The following ZDHHC8 variants were observed in gnomAD, a reference collection of about 807,000 sequenced individuals.
ZDHHC8 encodes the protein palmitoyltransferase ZDHHC8.
A neutral mutation model predicts 61.2 loss-of-function variants in ZDHHC8; 24 were observed. That is an observed-to-expected ratio of 0.39 (90% confidence interval 0.28 to 0.55). The LOEUF is 0.55. Ranked by LOEUF, ZDHHC8 falls within the 20% of genes least tolerant of loss-of-function variation. The pLI, the probability that ZDHHC8 is intolerant of heterozygous loss-of-function variation, is 0.60. For missense variants in ZDHHC8, 935 were observed against 1,102.1 expected, an observed-to-expected ratio of 0.85 and a Z score of 2.15; for synonymous variants, 523 against 492.5, an observed-to-expected ratio of 1.06 and a Z score of -0.82.
rs1251613164 is a variant in ZDHHC8 at position 20,143,646 on chromosome 22, C to A, written c.2016C>A (p.Gly672=). ...CACACAGGTCACCTGCACGCCAGGG[C>A]CTGCCCTCCCCGCCCGGCACTCCCC... The part of the protein sequence containing the change: ...SGSHRSPARQ[G]LPSPPGTPHS... Residue 672 remains glycine, a synonymous_variant, in exon 10 of 11, where the codon GGC becomes GGA. Coordinates refer to ENST00000334554, the MANE Select transcript of ZDHHC8 (RefSeq NM_013373.4). 2.5e-6 allele frequency: 4 copies of A among 1,606,992 alleles called. No individual in the cohort carries two copies. The highest frequency in any genetic ancestry group is 3.4e-6 in the Non-Finnish European group (4 of 1,179,102).
chr22:20,141,145 C>A, intron 7 of ZDHHC8, 72 bp from the exon 8 acceptor site: 7 of 1,585,076 alleles, frequency 4.4e-6, no homozygotes, highest in Non-Finnish European at 4.3e-6. Context: ...GGGCTAGGTC[C>A]CAGGCTGAAT....
chr22:20,139,055 C>T, intron 1 of ZDHHC8, 139 bp from the exon 2 acceptor site: 1 of 1,286,544 alleles, frequency 7.8e-7, no homozygotes, highest in Non-Finnish European at 1.1e-6. Context: ...GGTTTCTTGG[C>T]AGGGCTGTGG....
chr22:20,141,672 C>A, intron 9 of ZDHHC8, 142 bp downstream of exon 9: 1 of 727,316 alleles, frequency 1.4e-6, no homozygotes, highest in Non-Finnish European at 2.3e-6. Context: ...TGAGGCCATG[C>A]CCCTCAGGGC....
Position 20,143,475 on chromosome 22 carries a change from C to G in ZDHHC8, c.1845C>G (p.Gly615=). Residue 615 remains glycine, a synonymous_variant, in exon 10 of 11, where the codon GGC becomes GGG. Coordinates refer to ENST00000334554, the MANE Select transcript of ZDHHC8 (RefSeq NM_013373.4). ...GAGACGACCTTGTGGCTGGGCCCGGCTTCGGTGGCGCCCGCAACCCTGCCC... is the reference window on the plus strand; with the variant it reads ...GAGACGACCTTGTGGCTGGGCCCGGGTTCGGTGGCGCCCGCAACCCTGCCC... The part of the protein sequence containing the change: ...GSRDDLVAGP[G]FGGARNPALQ... The G allele has an allele frequency of 6.2e-7, 1 of 1,600,282 alleles. No individual in the cohort carries two copies. The highest frequency in any genetic ancestry group is 8.5e-7 in the Non-Finnish European group (1 of 1,179,336).
chr22:20,136,708 G>T, intron 1 of ZDHHC8, among the ~76,000 whole-genome samples: 1 of 152,280 alleles, frequency 6.6e-6, no homozygotes. Flanking sequence ...CTGCATGCAA[G>T]TGTTCATGCA....
rs1260260919 is a variant in ZDHHC8 at position 20,141,384 on chromosome 22, C to T, written c.1016-37C>T. On this transcript the variant is annotated intron_variant, in intron 8 of 10. Coordinates refer to ENST00000334554, the MANE Select transcript of ZDHHC8 (RefSeq NM_013373.4). Reference sequence around the variant, plus strand: ...CTAGGGAGGGATATGGGTTGACCCTCCTCTGACCTCAGTCTGACAGTGGTC... The same window carrying T: ...CTAGGGAGGGATATGGGTTGACCCTTCTCTGACCTCAGTCTGACAGTGGTC... 12 of 1,611,888 alleles carry T rather than the reference C, an allele frequency of 7.4e-6. No individual in the cohort carries two copies. The Admixed American group carries it at 1.0e-4, about 13-fold the overall frequency.
At chr22:20,137,412 C>T (rs577635263) in intron 1 of ZDHHC8, among the ~76,000 whole-genome samples, 3 of 152,334 alleles carry the variant, frequency 2.0e-5, no homozygotes, top group Admixed American at 1.3e-4. Flanking sequence ...AGAGGGGCCC[C>T]GAGGCTTCCA....
Position 20,143,473 on chromosome 22 carries a change from G to A in ZDHHC8, c.1843G>A (p.Gly615Ser), listed in dbSNP as rs780009061. 1.2e-5 allele frequency: 19 copies of A among 1,599,970 alleles called. No individual in the cohort carries two copies. The highest frequency in any genetic ancestry group is 4.0e-5 in the African/African-American group (3 of 74,906). ...CAGAGACGACCTTGTGGCTGGGCCC[G>A]GCTTCGGTGGCGCCCGCAACCCTGC... is the stretch of plus-strand genomic sequence containing the variant. ...GSRDDLVAGPGFGGARNPALQ... is the reference protein window; with the variant it reads ...GSRDDLVAGPSFGGARNPALQ... The change falls in exon 10 of 11, where the codon GGC becomes AGC. Residue 615 changes from glycine to serine, a missense_variant. By Grantham distance (56) the Gly-to-Ser change is moderately conservative (BLOSUM62 0). Coordinates refer to ENST00000334554, the MANE Select transcript of ZDHHC8 (RefSeq NM_013373.4).
chr22:20,131,917 C>CG lies in ZDHHC8; in HGVS notation c.-27dup. ...CCGGCCGGCCCTGCCCGCCCGGCCCCGGGGAGGGATGCGGCGGCGCGGCGC... is the reference window on the plus strand; with the variant it reads ...CCGGCCGGCCCTGCCCGCCCGGCCCCGGGGGAGGGATGCGGCGGCGCGGCGC... On this transcript the variant is annotated 5_prime_UTR_variant, in exon 1 of 11. Coordinates refer to ENST00000334554, the MANE Select transcript of ZDHHC8 (RefSeq NM_013373.4). 1 of 1,066,926 alleles carries CG rather than the reference C, an allele frequency of 9.4e-7. No individual in the cohort carries two copies. The highest frequency in any genetic ancestry group is 7.6e-5 in the East Asian group (1 of 13,122). The allele number at this position is 1,066,926 out of a possible 1,614,324, so 66.1% of individuals were successfully genotyped here.
chr22:20,147,574 G>GC lies in ZDHHC8; in HGVS notation c.*2174_*2175insC, dbSNP rs2050540839. On this transcript the variant is annotated 3_prime_UTR_variant, in exon 11 of 11. Transcript: ENST00000334554. ...CAGGCCTCCGTGGGTTGGGCTGGGT[G>GC]GGGGGGGGGTCTCAGGTTGCCCCTG... 1.6e-4 allele frequency: 21 copies of GC among 134,708 alleles called. No homozygotes were observed. The highest frequency in any genetic ancestry group is 2.9e-4 in the South Asian group (1 of 3,422). The allele number at this position is 134,708 out of a possible 1,614,324, so 8.3% of individuals were successfully genotyped here. A position where few individuals can be genotyped will look rare whatever the true frequency, so the allele number is the denominator to read the frequency against.
At chr22:20,141,812 G>A (rs1431259911) in intron 9 of ZDHHC8, among the ~76,000 whole-genome samples, 1 of 152,204 alleles carries the variant, frequency 6.6e-6, no homozygotes. Flanking sequence ...CTTGGCGTCT[G>A]TCCCTTGGCC....
Position 20,139,551 on chromosome 22 carries a change from G to A in ZDHHC8, c.300G>A (p.Gln100=), listed in dbSNP as rs1314201739. The A allele has an allele frequency of 6.2e-7, 1 of 1,613,430 alleles. No individual in the cohort carries two copies. The change falls in exon 3 of 11, where the codon CAG becomes CAA. Residue 100 remains glutamine, a synonymous_variant. Transcript: ENST00000334554. The part of the protein sequence containing the change: ...LYKNVDVRGI[Q]VRMKWCATCH... ...AGAACGTGGATGTGCGAGGTATCCAGGTCCGCATGAAGTGGTGTGCCACGT... is the reference window on the plus strand; with the variant it reads ...AGAACGTGGATGTGCGAGGTATCCAAGTCCGCATGAAGTGGTGTGCCACGT...
At chr22:20,136,261 G>A (rs2050419318) in intron 1 of ZDHHC8, among the ~76,000 whole-genome samples, 1 of 152,244 alleles carries the variant, frequency 6.6e-6, no homozygotes, top group South Asian at 2.1e-4. Context: ...GCACCATCAG[G>A]TCTGGGTGGG....
rs1232462087 is a variant in ZDHHC8 at position 20,131,885 on chromosome 22, C to A, written c.-63C>A. ...GTCCAGCCCGCCCGCCCGACCCCGG[C>A]CCGACCCCGGCCGGCCCTGCCCGCC... On this transcript the variant is annotated 5_prime_UTR_variant, in exon 1 of 11. Coordinates refer to ENST00000334554, the MANE Select transcript of ZDHHC8 (RefSeq NM_013373.4). The A allele has an allele frequency of 1.3e-5, 8 of 638,606 alleles. No homozygotes were observed. Among genetic ancestry groups the A allele is most frequent in the Middle Eastern group, 7.5e-4 (1 of 1,338 alleles). The allele number at this position is 638,606 out of a possible 1,614,324, so 39.6% of individuals were successfully genotyped here. A position where few individuals can be genotyped will look rare whatever the true frequency, so the allele number is the denominator to read the frequency against.
chr22:20,143,715 C>T lies in ZDHHC8; in HGVS notation c.2085C>T (p.His695=). ...YAGPKAVAFI[H]TDLPEPPPSL... is the part of the protein sequence containing the mutation. ...GCCCCAAAGCTGTCGCCTTCATCCA[C>T]ACGGACCTCCCAGAGCCACCGCCCT... The change falls in exon 10 of 11, where the codon CAC becomes CAT. Residue 695 remains histidine, a synonymous_variant. Coordinates refer to ENST00000334554, the MANE Select transcript of ZDHHC8 (RefSeq NM_013373.4). 1 of 1,610,348 alleles carries T rather than the reference C, an allele frequency of 6.2e-7. No individual in the cohort carries two copies. Among genetic ancestry groups the T allele is most frequent in the South Asian group, 1.1e-5 (1 of 90,902 alleles).
chr22:20,146,011 G>A lies in ZDHHC8; in HGVS notation c.*611G>A. 1 of 986,020 alleles carries A rather than the reference G, an allele frequency of 1.0e-6. No individual in the cohort carries two copies. Among genetic ancestry groups the A allele is most frequent in the Non-Finnish European group, 1.2e-6 (1 of 830,162 alleles). The allele number at this position is 986,020 out of a possible 1,614,324, so 61.1% of individuals were successfully genotyped here. On this transcript the variant is annotated 3_prime_UTR_variant, in exon 11 of 11. Transcript: ENST00000334554. Reference sequence around the variant, plus strand: ...GCCAGCCAGCCAGCTGTGGCCGGGGGCCCGGCTCCATGTGTCCCGTGTCTG... The same window carrying A: ...GCCAGCCAGCCAGCTGTGGCCGGGGACCCGGCTCCATGTGTCCCGTGTCTG...
chr22:20,147,237 T>A lies in ZDHHC8; in HGVS notation c.*1837T>A, dbSNP rs2050536576. The A allele has an allele frequency of 5.5e-6, 8 of 1,441,726 alleles. No homozygotes were observed. The highest frequency in any genetic ancestry group is 4.6e-6 in the Non-Finnish European group (5 of 1,094,794). The allele number at this position is 1,441,726 out of a possible 1,614,324, so 89.3% of individuals were successfully genotyped here. ...CCAGCCTCTCGGGGCCCTAGCAGGATGACAAGTAGGCGGCTCTGGGGCCCA... is the reference window on the plus strand; with the variant it reads ...CCAGCCTCTCGGGGCCCTAGCAGGAAGACAAGTAGGCGGCTCTGGGGCCCA... On this transcript the variant is annotated 3_prime_UTR_variant, in exon 11 of 11. Transcript: ENST00000334554.
chr22:20,143,227 C>A lies in ZDHHC8; in HGVS notation c.1597C>A (p.Pro533Thr). 1 of 1,607,266 alleles carries A rather than the reference C, an allele frequency of 6.2e-7. No individual in the cohort carries two copies. Among genetic ancestry groups the A allele is most frequent in the Non-Finnish European group, 8.5e-7 (1 of 1,179,432 alleles). The change falls in exon 10 of 11, where the codon CCC becomes ACC. Residue 533 changes from proline to threonine, a missense_variant. By Grantham distance (38) the Pro-to-Thr change is conservative. Transcript: ENST00000334554. ...RSFSPVLGPR[P>T]REPSPVRYDN... ...CTTCAGCCCCGTGCTGGGCCCCCGC[C>A]CCCGGGAGCCCTCGCCTGTGCGCTA...
chr22:20,139,078 T>A (rs2050444838), intron 1 of ZDHHC8, 116 bp from the exon 2 acceptor site: 1 of 1,451,978 alleles, frequency 6.9e-7, no homozygotes, highest in African/African-American at 1.4e-5. Context: ...GCCTCCCCAC[T>A]GCCTCTGAGC....
Sources: gnomAD v4.1 joint callset for allele counts (sites outside exome capture counted in the v4.1 genomes callset) on GRCh38, gnomAD v4.1.1 for gene constraint, MANE v1.5 for transcripts, NCBI Gene and HGNC (gene_info 2026-07-23, HGNC 2026-07-21) for gene names.